The following DIPK1A variants were observed in gnomAD, a reference collection of about 807,000 sequenced individuals.
DIPK1A encodes family with sequence similarity 69 member A.
In DIPK1A, 27 loss-of-function variants were observed where a neutral mutation model predicts 40.8. The observed-to-expected ratio is 0.66, with a 90% CI of 0.49 to 0.91. DIPK1A has a LOEUF of 0.91. Ranked by LOEUF, DIPK1A falls within the 40% of genes least tolerant of loss-of-function variation. The pLI is 0.00. For synonymous variants in DIPK1A, 166 were observed against 171.3 expected (o/e 0.97, Z 0.24); for missense variants, 412 against 505.7 (o/e 0.81, Z 1.78).
At chr1:92,846,827 A>ACG (rs1193169146) in intron 4 of DIPK1A, among the ~76,000 whole-genome samples, 1 of 6,340 alleles carries the variant, frequency 1.6e-4, no homozygotes, top group African/African-American at 1.3e-3. Flanking sequence ...ATATATATAT[A>ACG]TATATATATA....
rs188861557 is a variant in DIPK1A at position 92,880,902 on chromosome 1, C to T, written c.55-4472G>A. Among the ~76,000 whole-genome samples, 38 of 144,940 alleles carry T rather than the reference C, an allele frequency of 2.6e-4. No individual in the cohort carries two copies. In the East Asian group the frequency reaches 6.3e-3, roughly 24 times the overall value. ...ACAAACAAACAAACAAACAAAAAAA[C>T]TACTTCTGGCGGGGCGCGGTGGCTC... On this transcript the variant is annotated intron_variant, in intron 1 of 4. Transcript: ENST00000370310.
At chr1:92,833,718 A>G (rs1248380334) in intron 4 of DIPK1A, 4 of 1,328,082 alleles carry the variant, frequency 3.0e-6, no homozygotes, top group Admixed American at 3.4e-5. Flanking sequence ...GTGCTTGGGA[A>G]GCAAAGCACA....
intron 1 of DIPK1A, among the ~76,000 whole-genome samples, chr1:92,881,759 T>C (rs1052309129): frequency 6.6e-6 from 1 of 152,156 alleles, no homozygotes; most frequent in African/African-American, 2.4e-5. Flanking sequence ...GAAAGAGAAA[T>C]CACCAAAAAA....
At chr1:92,832,967 T>A in exon 5 of DIPK1A, 1 of 723,802 alleles carries the variant, frequency 1.4e-6, no homozygotes, top group Non-Finnish European at 2.5e-6. Flanking sequence ...CAAACCGACG[T>A]TTGGCATCAC....
At chr1:92,947,436 A>T (rs1474964322) in intron 1 of DIPK1A, among the ~76,000 whole-genome samples, 2 of 152,218 alleles carry the variant, frequency 1.3e-5, no homozygotes, top group Non-Finnish European at 2.9e-5. Flanking sequence ...CCAAAAAGAC[A>T]AAAAATAACA....
intron 1 of DIPK1A, chr1:92,932,268 C>T: frequency 6.2e-6 from 1 of 161,466 alleles, no homozygotes; most frequent in South Asian, 1.5e-4. Context: ...TGGTGAAACC[C>T]CATCTCTACC....
At chr1:92,891,384 T>C (rs1444799914) in intron 1 of DIPK1A, among the ~76,000 whole-genome samples, 1 of 152,174 alleles carries the variant, frequency 6.6e-6, no homozygotes, top group Non-Finnish European at 1.5e-5. Flanking sequence ...GATACATTGT[T>C]AATTCATTTA....
intron 1 of DIPK1A, among the ~76,000 whole-genome samples, chr1:92,906,716 G>T (rs1312196583): frequency 6.6e-6 from 1 of 152,130 alleles, no homozygotes; most frequent in Non-Finnish European, 1.5e-5. Flanking sequence ...GGTAGTGTTT[G>T]TTTCTCCCAG....
Position 92,843,268 on chromosome 1 carries a change from T to C in DIPK1A, c.*115A>G. On this transcript the variant is annotated 3_prime_UTR_variant, in exon 5 of 5. Transcript: ENST00000370310. ...TCACATACTGATGGCTTCTCAGGCCTGGGGGGAAGGAGTTTTGTGTAACTG... is the reference window on the plus strand; with the variant it reads ...TCACATACTGATGGCTTCTCAGGCCCGGGGGGAAGGAGTTTTGTGTAACTG... 1 of 1,450,442 alleles carries C rather than the reference T, an allele frequency of 6.9e-7. No homozygotes were observed. The highest frequency in any genetic ancestry group is 9.1e-7 in the Non-Finnish European group (1 of 1,102,700). The allele number at this position is 1,450,442 out of a possible 1,614,324, so 89.8% of individuals were successfully genotyped here.
At chr1:92,936,757 T>C (rs760553489) in intron 1 of DIPK1A, among the ~76,000 whole-genome samples, 2 of 152,218 alleles carry the variant, frequency 1.3e-5, no homozygotes, top group African/African-American at 2.4e-5. Context: ...CCTTTATCTA[T>C]TGCTTTATTG....
At position 92,843,968 on chromosome 1, in the gene DIPK1A, G is replaced by A; in HGVS notation, c.702C>T (p.Thr234=). The A allele has an allele frequency of 1.3e-6, 2 of 1,551,886 alleles. No homozygotes were observed. The highest frequency in any genetic ancestry group is 1.7e-6 in the Non-Finnish European group (2 of 1,147,002). Reference sequence around the variant, plus strand: ...AAGGAAGGCTTATTCCATAAAGAGAGGTATATTCAACACTTTCCATCACAT... The same window carrying A: ...AAGGAAGGCTTATTCCATAAAGAGAAGTATATTCAACACTTTCCATCACAT... ...DLYVMESVEY[T]SLYGISLPWV... The change falls in exon 5 of 5, where the codon ACC becomes ACT. Residue 234 remains threonine (T), a synonymous_variant. Transcript: ENST00000370310.
At chr1:92,876,930 A>G (rs1648156730) in intron 1 of DIPK1A, 6 of 949,548 alleles carry the variant, frequency 6.3e-6, no homozygotes, top group Non-Finnish European at 7.5e-6. Flanking sequence ...ATTAAGCTCT[A>G]CAGTCATTTC....
chr1:92,961,109 G>A (rs752359469), intron 1 of DIPK1A, among the ~76,000 whole-genome samples: 2 of 152,032 alleles, frequency 1.3e-5, no homozygotes, highest in Non-Finnish European at 2.9e-5. Context: ...CTCAGGATGC[G>A]AGGGCGTACC....
chr1:92,899,655 C>A (rs1649328324), intron 1 of DIPK1A, among the ~76,000 whole-genome samples: 1 of 151,918 alleles, frequency 6.6e-6, no homozygotes. Flanking sequence ...TAATGTTTAT[C>A]ATTGTCATTT....
At chr1:92,850,977 A>G (rs757372581) in intron 2 of DIPK1A, 22 bp from the exon 3 acceptor site, 1 of 1,405,114 alleles carries the variant, frequency 7.1e-7, no homozygotes, top group Non-Finnish European at 9.8e-7. Context: ...GAAATAAAAA[A>G]GTAGTTAATA....
rs1021430737 is a variant in DIPK1A, at chr1:92,843,819, T to C, written c.851A>G (p.His284Arg). 3.2e-6 allele frequency: 5 copies of C among 1,551,814 alleles called. No individual in the cohort carries two copies. Among genetic ancestry groups the C allele is most frequent in the East Asian group, 2.4e-5 (1 of 40,942 alleles). The change falls in exon 5 of 5, where the codon CAT (histidine) becomes CGT (arginine). Residue 284 changes from histidine to arginine, a missense_variant. Transcript: ENST00000370310. ...GLLEFVEDVFHGPYGNFLMCD... is the reference protein window; with the variant it reads ...GLLEFVEDVFRGPYGNFLMCD... Reference sequence around the variant, plus strand: ...CATGAGGAAATTTCCGTAGGGGCCATGGAAAACATCTTCCACAAATTCTAG... The same window carrying C: ...CATGAGGAAATTTCCGTAGGGGCCACGGAAAACATCTTCCACAAATTCTAG...
In DIPK1A at chr1:92,887,190, G is replaced by A. The variant is rs570785733; in HGVS notation, c.55-10760C>T. On this transcript the variant is annotated intron_variant, in intron 1 of 4. Coordinates refer to ENST00000370310, the MANE Select transcript of DIPK1A (RefSeq NM_001006605.5). Reference sequence around the variant, plus strand: ...TCCAGCACTTTAGGAGGCCAAGCAGGAGGATCACTTGAGCCCAGGAGTTTG... The same window carrying A: ...TCCAGCACTTTAGGAGGCCAAGCAGAAGGATCACTTGAGCCCAGGAGTTTG... Among the ~76,000 whole-genome samples the A allele has an allele frequency of 6.7e-5, 10 of 148,644 alleles. No homozygotes were observed. The South Asian group carries it at 1.7e-3, about 25-fold the overall frequency.
intron 1 of DIPK1A, among the ~76,000 whole-genome samples, chr1:92,957,131 T>C (rs1340376865): frequency 3.3e-5 from 5 of 152,216 alleles, no homozygotes; most frequent in Admixed American, 3.3e-4. Context: ...CAACAAATTA[T>C]AGGGTTGCTG....
In DIPK1A at chr1:92,894,719, G is replaced by C. The variant is rs564295964; in HGVS notation, c.55-18289C>G. Among the ~76,000 whole-genome samples, 4 of 152,172 alleles carry C rather than the reference G, an allele frequency of 2.6e-5. No homozygotes were observed. In the East Asian group the frequency reaches 7.7e-4, roughly 29 times the overall value. ...AAAAATTCAATGAATCCAGGAGCTG[G>C]TTTTTTGAAAAGATCAACAAAATAG... On this transcript the variant is annotated intron_variant, in intron 1 of 4. Transcript: ENST00000370310.
Sources: allele counts gnomAD v4.1 joint callset (sites outside exome capture counted in the v4.1 genomes callset), GRCh38; gene constraint gnomAD v4.1.1; transcripts MANE v1.5; gene names NCBI Gene and HGNC (gene_info 2026-07-23, HGNC 2026-07-21).